The following SIK3 variants were observed in gnomAD, a reference collection of about 807,000 sequenced individuals.
The protein encoded by SIK3 is SIK family kinase 3.
In SIK3, 28 loss-of-function variants were observed where a neutral mutation model predicts 144.2. That is an observed-to-expected ratio of 0.19 (90% confidence interval 0.14 to 0.27). The LOEUF is 0.27. SIK3 is among the 10% of genes least tolerant of loss of function. The pLI is 1.00. For missense variants in SIK3, 1,319 were observed against 1,776.0 expected (o/e 0.74, Z 4.62); for synonymous variants, 686 against 676.3 (o/e 1.01, Z -0.22).
chr11:116,895,590 T>G (rs1945355123), intron 6 of SIK3, among the ~76,000 whole-genome samples: 1 of 150,784 alleles, frequency 6.6e-6, no homozygotes, highest in Non-Finnish European at 1.5e-5. Context: ...TATGACTTTT[T>G]GCGTTCTCTA....
intron 4 of SIK3, among the ~76,000 whole-genome samples, chr11:116,906,615 A>G (rs1250692951): frequency 6.6e-6 from 1 of 152,146 alleles, no homozygotes; most frequent in Non-Finnish European, 1.5e-5. Context: ...AAGCCGAGAG[A>G]GCAGAAAAGC....
intron 1 of SIK3, among the ~76,000 whole-genome samples, chr11:116,961,395 C>T (rs1949343559): frequency 6.6e-6 from 1 of 152,162 alleles, no homozygotes; most frequent in Non-Finnish European, 1.5e-5. Flanking sequence ...GTGGCTGGCA[C>T]ACAGGTATGA....
chr11:116,997,961 G>A (rs772216429), intron 1 of SIK3, among the ~76,000 whole-genome samples: 36 of 152,092 alleles, frequency 2.4e-4, no homozygotes, highest in Non-Finnish European at 5.1e-4. Flanking sequence ...CTGGGCTCAA[G>A]CAATCCTCCT....
intron 6 of SIK3, among the ~76,000 whole-genome samples, chr11:116,894,336 C>T (rs1945284007): frequency 6.6e-6 from 1 of 152,164 alleles, no homozygotes; most frequent in Non-Finnish European, 1.5e-5. Context: ...TCCAAACATA[C>T]ATCCCCAACC....
intron 1 of SIK3, among the ~76,000 whole-genome samples, chr11:117,089,105 T>C (rs529300016): frequency 6.6e-6 from 1 of 151,962 alleles, no homozygotes; most frequent in South Asian, 2.1e-4. Context: ...TTAATAAATG[T>C]TTATAAGAGT....
intron 1 of SIK3, among the ~76,000 whole-genome samples, chr11:117,085,307 A>G (rs1954957655): frequency 6.6e-6 from 1 of 151,924 alleles, no homozygotes; most frequent in South Asian, 2.1e-4. Context: ...TTTGGTAGAG[A>G]TGGGGCCTCA....
rs116129973 is a variant in SIK3, at chr11:117,043,442, A to C, written c.273+54701T>G. 1.3e-3 allele frequency among the ~76,000 whole-genome samples: 201 copies of C among 152,324 alleles called. 2 individuals carry two copies. Among genetic ancestry groups the C allele is most frequent in the African/African-American group, 4.7e-3 (194 of 41,574 alleles). On this transcript the variant is annotated intron_variant, in intron 1 of 24. Coordinates refer to ENST00000445177, the MANE Select transcript of SIK3 (RefSeq NM_001366686.3). ...TCAATGAGGCTTAAGAGGCTTAAGC[A>C]AAGTTTTAAAAAAATACTGAAATCC...
At position 117,023,612 on chromosome 11, in the gene SIK3, A is replaced by C. The variant is rs1429079433; in HGVS notation, c.274-66548T>G. On this transcript the variant is annotated intron_variant, in intron 1 of 24. Coordinates refer to ENST00000445177, the MANE Select transcript of SIK3 (RefSeq NM_001366686.3). ...AACAAACAAACAAACAAACAAACAAAAAAAAAAAAATATATATATATATAT... is the reference window on the plus strand; with the variant it reads ...AACAAACAAACAAACAAACAAACAACAAAAAAAAAATATATATATATATAT... 2.7e-3 allele frequency among the ~76,000 whole-genome samples: 117 copies of C among 42,916 alleles called. 7 individuals carry two copies. Among genetic ancestry groups the C allele is most frequent in the African/African-American group, 9.1e-3 (105 of 11,558 alleles). The allele number at this position is 42,916 out of a possible 152,430, so 28.2% of individuals were successfully genotyped here. A position where few individuals can be genotyped will look rare whatever the true frequency, so the allele number is the denominator to read the frequency against.
rs1565507700 is a variant in SIK3, at chr11:116,965,765, ATATATATATATATATAT to A, written c.274-8718_274-8702del. 2.6e-3 allele frequency among the ~76,000 whole-genome samples: 141 copies of A among 54,002 alleles called. 2 individuals carry two copies. Among genetic ancestry groups the A allele is most frequent in the African/African-American group, 7.9e-3 (140 of 17,714 alleles). The allele number at this position is 54,002 out of a possible 152,430, so 35.4% of individuals were successfully genotyped here. A position where few individuals can be genotyped will look rare whatever the true frequency, so the allele number is the denominator to read the frequency against. Reference sequence around the variant, plus strand: ...TATATATATATATATATATATATATATATATATATATATATATAAATTAGCCAAACATGGTGGTGTAT... The same window carrying A: ...TATATATATATATATATATATATATAAAATTAGCCAAACATGGTGGTGTAT... On this transcript the variant is annotated intron_variant, in intron 1 of 24. Transcript: ENST00000445177.
intron 1 of SIK3, among the ~76,000 whole-genome samples, chr11:117,043,981 T>C (rs994842404): frequency 6.6e-6 from 1 of 152,228 alleles, no homozygotes; most frequent in African/African-American, 2.4e-5. Flanking sequence ...CAAATGACCA[T>C]AGCAAATATT....
chr11:117,022,719 A>C (rs1311790805), intron 1 of SIK3, among the ~76,000 whole-genome samples: 2 of 152,194 alleles, frequency 1.3e-5, no homozygotes, highest in Admixed American at 1.3e-4. Context: ...GGGTTAAGAG[A>C]AGAAGAAATG....
At chr11:116,907,055 G>A (rs1946079115) in intron 4 of SIK3, among the ~76,000 whole-genome samples, 1 of 152,200 alleles carries the variant, frequency 6.6e-6, no homozygotes, top group Admixed American at 6.5e-5. Context: ...TCCTATTTGT[G>A]CTGCACTTTG....
chr11:117,083,244 G>A (rs1565627008), intron 1 of SIK3, among the ~76,000 whole-genome samples: 2 of 152,082 alleles, frequency 1.3e-5, no homozygotes, highest in East Asian at 1.9e-4. Context: ...GGAAGAGGCA[G>A]TAGGCTAAAA....
chr11:117,067,050 C>T (rs1954057277), intron 1 of SIK3, among the ~76,000 whole-genome samples: 1 of 152,118 alleles, frequency 6.6e-6, no homozygotes, highest in Non-Finnish European at 1.5e-5. Flanking sequence ...GCAACTAGAA[C>T]TCTCCTATCT....
intron 4 of SIK3, among the ~76,000 whole-genome samples, chr11:116,922,126 ATATC>A (rs550735407): frequency 2.0e-5 from 3 of 152,308 alleles, no homozygotes; most frequent in Admixed American, 2.0e-4. Flanking sequence ...TCTATAACTA[ATATC>A]TATCTATCCA....
chr11:116,928,877 C>G (rs1320727983), intron 3 of SIK3, among the ~76,000 whole-genome samples: 1 of 152,262 alleles, frequency 6.6e-6, no homozygotes, highest in Non-Finnish European at 1.5e-5. Context: ...TGAAGCATCT[C>G]CCTCAAAAAT....
intron 1 of SIK3, among the ~76,000 whole-genome samples, chr11:117,070,146 C>A (rs999682052): frequency 2.0e-5 from 3 of 152,182 alleles, no homozygotes; most frequent in African/African-American, 7.2e-5. Context: ...AGAAGCTATG[C>A]AATGGTAACC....
At chr11:116,910,233 T>TA (rs1946266330) in intron 4 of SIK3, among the ~76,000 whole-genome samples, 2 of 152,088 alleles carry the variant, frequency 1.3e-5, no homozygotes, top group African/African-American at 4.8e-5. Flanking sequence ...CAAGAGCTGT[T>TA]AACGAAGAAC....
chr11:116,973,273 G>A (rs1447199467), intron 1 of SIK3, among the ~76,000 whole-genome samples: 2 of 152,158 alleles, frequency 1.3e-5, no homozygotes, highest in Non-Finnish European at 2.9e-5. Context: ...ACAGCTCATG[G>A]TTCTTTATAA....
Sources: gnomAD v4.1 joint callset for allele counts (sites outside exome capture counted in the v4.1 genomes callset) on GRCh38, gnomAD v4.1.1 for gene constraint, MANE v1.5 for transcripts, NCBI Gene and HGNC (gene_info 2026-07-23, HGNC 2026-07-21) for gene names.